DAPK1: variants seen among roughly 807,000 people sequenced by gnomAD.
DAPK1 encodes the protein death associated protein kinase 1.
A neutral mutation model predicts 144.9 loss-of-function variants in DAPK1; 56 were observed. That is an observed-to-expected ratio of 0.39 (90% CI 0.31 to 0.48). The LOEUF (loss-of-function observed/expected upper bound fraction) is 0.48. DAPK1 is among the 20% of genes least tolerant of loss of function. The pLI, the probability that DAPK1 is intolerant of heterozygous loss-of-function variation, is 0.95. For missense variants in DAPK1, 1,454 were observed against 1,875.4 expected (o/e 0.78, Z 4.15); for synonymous variants, 690 against 749.0 (o/e 0.92, Z 1.29).
rs539454430 is a variant in DAPK1 at position 87,545,414 on chromosome 9, C to CT, written c.62+46276dup. Among the ~76,000 whole-genome samples the CT allele has an allele frequency of 1.6e-4, 25 of 152,260 alleles. No individual in the cohort carries two copies. In the East Asian group the frequency reaches 2.5e-3, roughly 15 times the overall value. On this transcript the variant is annotated intron_variant, in intron 2 of 25. Transcript: ENST00000408954. ...GATCAGTAGACCACAAGCAAGAACT[C>CT]TAAGTAATTCATTAGTTTCAATTTT...
chr9:87,697,836 C>T (rs569848773), intron 22 of DAPK1, among the ~76,000 whole-genome samples: 3 of 152,278 alleles, frequency 2.0e-5, no homozygotes, highest in South Asian at 2.1e-4. Flanking sequence ...TGCCTGTAGT[C>T]CCAGCTACTT....
chr9:87,705,555 T>C (rs1234680367), intron 25 of DAPK1, among the ~76,000 whole-genome samples: 1 of 152,218 alleles, frequency 6.6e-6, no homozygotes, highest in Non-Finnish European at 1.5e-5. Context: ...GTTGACATTT[T>C]GCTACATTTG....
intron 3 of DAPK1, chr9:87,632,681 T>C: frequency 1.0e-6 from 1 of 966,476 alleles, no homozygotes; most frequent in Middle Eastern, 5.4e-4. Flanking sequence ...GGAAGATGAG[T>C]ACCTATATAC....
intron 2 of DAPK1, among the ~76,000 whole-genome samples, chr9:87,499,874 A>G (rs191338263): frequency 6.6e-6 from 1 of 152,216 alleles, no homozygotes; most frequent in East Asian, 1.9e-4. Context: ...GTTTCCTTTG[A>G]CTGTGTATTA....
At chr9:87,527,773 GT>G (rs1260135089) in intron 2 of DAPK1, among the ~76,000 whole-genome samples, 1 of 152,208 alleles carries the variant, frequency 6.6e-6, no homozygotes, top group Admixed American at 6.5e-5. Flanking sequence ...ATTCCCAGGT[GT>G]TTATTTCACA....
chr9:87,610,178 G>A (rs1828874962), intron 3 of DAPK1, among the ~76,000 whole-genome samples: 1 of 152,200 alleles, frequency 6.6e-6, no homozygotes, highest in Non-Finnish European at 1.5e-5. Context: ...TTGCTTCACT[G>A]GAGAATCATT....
intron 21 of DAPK1, among the ~76,000 whole-genome samples, chr9:87,687,218 A>G (rs1824896574): frequency 6.6e-6 from 1 of 152,180 alleles, no homozygotes; most frequent in South Asian, 2.1e-4. Context: ...TGAACACTGG[A>G]ATGTATTTCT....
chr9:87,659,650 G>A (rs1210311944), intron 18 of DAPK1, among the ~76,000 whole-genome samples: 1 of 152,092 alleles, frequency 6.6e-6, no homozygotes, highest in Non-Finnish European at 1.5e-5. Context: ...ATCTGTATCA[G>A]TGGTCCCCGC....
chr9:87,642,048 A>C lies in DAPK1; in HGVS notation c.908A>C (p.Lys303Thr), dbSNP rs1830117147. The change falls in exon 10 of 26, where the codon AAA (lysine) becomes ACA (threonine). Residue 303 changes from lysine (K) to threonine (T), a missense_variant. By Grantham distance (78) the Lys-to-Thr change is moderately conservative (BLOSUM62 -1). Around this residue, in one of 2 missense-constraint regions of DAPK1, gnomAD observed 429 missense variants for 637.5 expected, o/e 0.67. Transcript: ENST00000408954. ...AAATTCAAGAAGTTTGCAGCCCGGAAAAAATGGAAAGTAAGATTGTTTGTT... is the reference window on the plus strand; with the variant it reads ...AAATTCAAGAAGTTTGCAGCCCGGACAAAATGGAAAGTAAGATTGTTTGTT... ...MEKFKKFAAR[K>T]KWKQSVRLIS... 1.2e-6 allele frequency: 2 copies of C among 1,613,880 alleles called. No homozygotes were observed. The highest frequency in any genetic ancestry group is 1.3e-5 in the African/African-American group (1 of 74,940).
In DAPK1 at chr9:87,531,994, C is replaced by T. The variant is rs184475982; in HGVS notation, c.62+32855C>T. 5.3e-5 allele frequency among the ~76,000 whole-genome samples: 8 copies of T among 152,348 alleles called. No homozygotes were observed. In the East Asian group the frequency reaches 1.2e-3, roughly 22 times the overall value. On this transcript the variant is annotated intron_variant, in intron 2 of 25. Coordinates refer to ENST00000408954, the MANE Select transcript of DAPK1 (RefSeq NM_004938.4). ...TTTTAAGAGGCATCATCATTACTAA[C>T]AAACACGTTCCTGAACAGGCCTTAG...
chr9:87,504,553 C>T (rs978909125), intron 2 of DAPK1, among the ~76,000 whole-genome samples: 4 of 152,132 alleles, frequency 2.6e-5, no homozygotes, highest in African/African-American at 9.7e-5. Context: ...GCTTGTGTCT[C>T]CCCGGCCAAT....
At chr9:87,619,575 CTAAG>C (rs1360155091) in intron 3 of DAPK1, among the ~76,000 whole-genome samples, 5 of 152,198 alleles carry the variant, frequency 3.3e-5, no homozygotes, top group Admixed American at 6.5e-5. Flanking sequence ...CTGCCATACT[CTAAG>C]TAGTCCTCTC....
At chr9:87,545,534 G>A (rs1160331411) in intron 2 of DAPK1, among the ~76,000 whole-genome samples, 1 of 152,102 alleles carries the variant, frequency 6.6e-6, no homozygotes, top group Non-Finnish European at 1.5e-5. Context: ...CCTCGGTGAG[G>A]CATTTCAGCT....
intron 24 of DAPK1, 55 bp downstream of exon 24, chr9:87,700,292 C>G: frequency 1.3e-6 from 2 of 1,515,684 alleles, no homozygotes; most frequent in East Asian, 4.5e-5. Flanking sequence ...CCTGGTTTGC[C>G]TCTGGTTTCA....
chr9:87,706,062 T>C lies in DAPK1; in HGVS notation c.3061-70T>C. On this transcript the variant is annotated intron_variant, in intron 25 of 25. Transcript: ENST00000408954. The surrounding 1 kb of genome is among the most constrained non-coding windows in gnomAD (Gnocchi z 9.0). ...CTGTTGCCGGCATCAGGCCCTTTAG[T>C]GCTCTAAGTGGCTGGTGCACCTGGC... The C allele has an allele frequency of 1.7e-6, 2 of 1,163,316 alleles. No homozygotes were observed. Among genetic ancestry groups the C allele is most frequent in the Admixed American group, 2.0e-5 (1 of 49,266 alleles). 72.1% of individuals were successfully genotyped at this position (1,163,316 alleles called of 1,614,324 possible).
chr9:87,584,458 G>A (rs897412676), intron 2 of DAPK1, among the ~76,000 whole-genome samples: 9 of 152,098 alleles, frequency 5.9e-5, no homozygotes, highest in Non-Finnish European at 1.0e-4. Flanking sequence ...ATTTGCTTTG[G>A]ATATATACTT....
chr9:87,560,568 G>A (rs1826875131), intron 2 of DAPK1, among the ~76,000 whole-genome samples: 1 of 151,940 alleles, frequency 6.6e-6, no homozygotes. Flanking sequence ...TACCTCACAT[G>A]AGTAGAATCA....
intron 17 of DAPK1, 90 bp from the exon 18 acceptor site, chr9:87,657,939 T>G (rs1369461972): frequency 1.4e-6 from 1 of 717,966 alleles, no homozygotes; most frequent in Non-Finnish European, 2.6e-6. Flanking sequence ...TGGTGGGCCC[T>G]GACCCCTTCC....
At chr9:87,585,454 A>G (rs937643486) in intron 2 of DAPK1, among the ~76,000 whole-genome samples, 3 of 152,252 alleles carry the variant, frequency 2.0e-5, no homozygotes, top group African/African-American at 7.2e-5. Flanking sequence ...ATATGTTTAA[A>G]AAGAAAACTA....
Sources: gnomAD v4.1 joint callset for allele counts (sites outside exome capture counted in the v4.1 genomes callset) on GRCh38, gnomAD v4.1.1 for gene constraint, gnomAD v4.1.1 regional missense constraint, Gnocchi (gnomAD v3.1) non-coding constraint, MANE v1.5 for transcripts, NCBI Gene and HGNC (gene_info 2026-07-23, HGNC 2026-07-21) for gene names.